The following TLE1 variants were observed in gnomAD, a reference collection of about 807,000 sequenced individuals.
TLE1 encodes the protein TLE family member 1, transcriptional corepressor, also known as transducin-like enhancer protein 1.
Under a neutral mutation model 89.8 loss-of-function variants are expected in TLE1, and 21 were observed. The observed-to-expected ratio is 0.23, with a 90% confidence interval of 0.17 to 0.34. The LOEUF (loss-of-function observed/expected upper bound fraction) is 0.34, where lower values mean the gene tolerates loss of function less well. TLE1 is among the 10% of genes least tolerant of loss of function. TLE1 has a pLI of 1.00. For synonymous variants in TLE1, 447 were observed against 407.6 expected (o/e 1.10, Z -1.16); for missense variants, 795 against 1,031.2 (o/e 0.77, Z 3.14).
At chr9:81,608,574 A>G (rs1193274652) in intron 14 of TLE1, among the ~76,000 whole-genome samples, 4 of 152,200 alleles carry the variant, frequency 2.6e-5, no homozygotes, top group Non-Finnish European at 5.9e-5. Flanking sequence ...GCTGAAAGCA[A>G]CCACATGAAG....
chr9:81,616,227 C>G (rs1824497235), intron 10 of TLE1, 93 bp from the exon 11 acceptor site: 3 of 1,477,202 alleles, frequency 2.0e-6, no homozygotes, highest in South Asian at 1.4e-5. Context: ...AAGGACAGAG[C>G]TGAAAGTCCT....
At chr9:81,616,553 G>A (rs562885850) in intron 10 of TLE1, 93 bp downstream of exon 10, 11 of 1,379,732 alleles carry the variant, frequency 8.0e-6, no homozygotes, top group East Asian at 4.6e-5. Context: ...TCCCCCCACC[G>A]AGGGGCTCTA....
chr9:81,604,653 G>A (rs1223454849), intron 14 of TLE1, among the ~76,000 whole-genome samples: 3 of 152,126 alleles, frequency 2.0e-5, no homozygotes, highest in East Asian at 1.9e-4. Flanking sequence ...GTCACTGCAC[G>A]AGGCTATCTT....
intron 4 of TLE1, 45 bp downstream of exon 4, chr9:81,685,631 A>G (rs754047337): frequency 1.9e-5 from 31 of 1,592,238 alleles, no homozygotes; most frequent in East Asian, 8.9e-5. Flanking sequence ...ATTAAATCAT[A>G]TGAACTGATG....
At chr9:81,607,965 T>C (rs1157020288) in intron 14 of TLE1, among the ~76,000 whole-genome samples, 1 of 152,198 alleles carries the variant, frequency 6.6e-6, no homozygotes. Flanking sequence ...TATTATAATA[T>C]ATGAAAAGTA....
At chr9:81,587,849 G>A in intron 16 of TLE1, 21 bp from the exon 17 acceptor site, 1 of 1,591,886 alleles carries the variant, frequency 6.3e-7, no homozygotes, top group Non-Finnish European at 8.6e-7. Flanking sequence ...AAACCAGATT[G>A]AATAATGATT....
intron 4 of TLE1, among the ~76,000 whole-genome samples, chr9:81,663,314 G>A (rs957688373): frequency 6.8e-6 from 1 of 147,098 alleles, no homozygotes; most frequent in South Asian, 2.3e-4. Context: ...AAAAACAGAG[G>A]TCTAAAGGAA....
intron 16 of TLE1, 77 bp from the exon 17 acceptor site, chr9:81,587,905 A>G (rs1828756060): frequency 2.5e-6 from 1 of 407,238 alleles, no homozygotes. Flanking sequence ...TTAGTTTTGG[A>G]CCGTGTGTGT....
chr9:81,670,896 C>T (rs778583103), intron 4 of TLE1, among the ~76,000 whole-genome samples: 7 of 151,992 alleles, frequency 4.6e-5, no homozygotes, highest in Admixed American at 4.6e-4. Flanking sequence ...GGGCTGGGTG[C>T]CGTGGCTCAT....
intron 14 of TLE1, among the ~76,000 whole-genome samples, chr9:81,607,317 C>T (rs1168481305): frequency 4.1e-5 from 6 of 146,054 alleles, no homozygotes; most frequent in African/African-American, 1.5e-4. Context: ...TTACTTCTGT[C>T]TTACAACTGA....
intron 14 of TLE1, among the ~76,000 whole-genome samples, chr9:81,608,089 A>T (rs1831923585): frequency 6.6e-6 from 1 of 152,170 alleles, no homozygotes; most frequent in Admixed American, 6.5e-5. Context: ...CACAAGGATG[A>T]CCGGGCAGCT....
intron 6 of TLE1, among the ~76,000 whole-genome samples, chr9:81,641,163 C>G (rs1342996988): frequency 6.6e-6 from 1 of 152,004 alleles, no homozygotes; most frequent in Non-Finnish European, 1.5e-5. Context: ...CTGCTATTTC[C>G]CTGTTCTTTA....
chr9:81,637,644 CT>C (rs11375860), intron 6 of TLE1, among the ~76,000 whole-genome samples: 30,181 of 138,576 alleles, frequency 0.22, 3,717 homozygotes, highest in Non-Finnish European at 0.29. Context: ...ATGAAAGTTT[CT>C]TTTTTTTTTT....
chr9:81,687,360 G>A lies in TLE1; in HGVS notation c.99C>T (p.Phe33=), dbSNP rs1385042. ...PESLDRIKEE[F]QFLQAQYHSL... Reference sequence around the variant, plus strand: ...TGTGATACTGCGCCTGCAGGAACTGGAATTCCTCTTTAATCCGGTCCAGGG... The same window carrying A: ...TGTGATACTGCGCCTGCAGGAACTGAAATTCCTCTTTAATCCGGTCCAGGG... The change falls in exon 2 of 20, where the codon TTC becomes TTT. Residue 33 remains phenylalanine (F), a synonymous_variant. Transcript: ENST00000376499. 1.9e-6 allele frequency: 3 copies of A among 1,608,864 alleles called. No homozygotes were observed. The Admixed American group carries it at 5.0e-5, about 27-fold the overall frequency.
rs765210129 is a variant in TLE1, at chr9:81,587,804, T to C, written c.1854A>G (p.Gly618=). Residue 618 remains glycine, a synonymous_variant, in exon 17 of 20, where the codon GGA becomes GGG. Transcript: ENST00000376499. ...CATTAGAAATGTCAATACAGCTGGCTCCGTCTGTGTGGCCCTGGAATTGCC... is the reference window on the plus strand; with the variant it reads ...CATTAGAAATGTCAATACAGCTGGCCCCGTCTGTGTGGCCCTGGAATTGCC... ...LVRQFQGHTD[G]ASCIDISNDG... is the part of the protein sequence containing the mutation. 6.2e-7 allele frequency: 1 copy of C among 1,614,024 alleles called. No individual in the cohort carries two copies. The highest frequency in any genetic ancestry group is 8.5e-7 in the Non-Finnish European group (1 of 1,180,004).
Position 81,674,539 on chromosome 9 carries a change from G to T in TLE1, c.234+11137C>A, listed in dbSNP as rs143463211. Among the ~76,000 whole-genome samples the T allele has an allele frequency of 2.7e-3, 404 of 152,252 alleles. 1 individual carries two copies. Among genetic ancestry groups the T allele is most frequent in the South Asian group, 4.8e-3 (23 of 4,828 alleles). Reference sequence around the variant, plus strand: ...ATCACGACAATTCCATACACACAAAGTTCAAAATCAGAGTCCTTTTGCAAA... The same window carrying T: ...ATCACGACAATTCCATACACACAAATTTCAAAATCAGAGTCCTTTTGCAAA... On this transcript the variant is annotated intron_variant, in intron 4 of 19. Transcript: ENST00000376499.
At chr9:81,641,566 T>C (rs1828120657) in intron 6 of TLE1, among the ~76,000 whole-genome samples, 1 of 151,934 alleles carries the variant, frequency 6.6e-6, no homozygotes, top group Admixed American at 6.6e-5. Context: ...TCCAAAAAAC[T>C]CAATAGTACA....
At chr9:81,646,676 A>G (rs1362738129) in intron 6 of TLE1, among the ~76,000 whole-genome samples, 1 of 152,196 alleles carries the variant, frequency 6.6e-6, no homozygotes, top group Admixed American at 6.5e-5. Context: ...CCTTAAACCA[A>G]TCATCTCATG....
At chr9:81,603,654 G>GC (rs1233547026) in intron 14 of TLE1, among the ~76,000 whole-genome samples, 1 of 152,120 alleles carries the variant, frequency 6.6e-6, no homozygotes, top group African/African-American at 2.4e-5. Context: ...ACTGCCTCCA[G>GC]CCCAAAACTC....
Sources: gnomAD v4.1 joint callset for allele counts (sites outside exome capture counted in the v4.1 genomes callset) on GRCh38, gnomAD v4.1.1 for gene constraint, MANE v1.5 for transcripts, NCBI Gene and HGNC (gene_info 2026-07-23, HGNC 2026-07-21) for gene names.